The following SYTL2 variants were observed in gnomAD, a reference collection of about 807,000 sequenced individuals.
SYTL2 encodes the protein synaptotagmin-like protein 2.
Under a neutral mutation model 198.7 loss-of-function variants are expected in SYTL2, and 165 were observed. That is an observed-to-expected ratio of 0.83 (90% CI 0.73 to 0.94). The LOEUF (loss-of-function observed/expected upper bound fraction) is 0.94. Among genes scored for constraint, SYTL2 ranks in the 40% least tolerant of loss-of-function variants. SYTL2 has a pLI of 0.00. For synonymous variants in SYTL2, 966 were observed against 917.7 expected (o/e 1.05, Z -0.95); for missense variants, 2,835 against 2,582.8 (o/e 1.10, Z -2.12).
intron 1 of SYTL2, among the ~76,000 whole-genome samples, chr11:85,793,842 G>T (rs1394039858): frequency 6.6e-6 from 1 of 152,142 alleles, no homozygotes; most frequent in East Asian, 1.9e-4. Context: ...TTTCCACATT[G>T]TTTTAGTCAT....
chr11:85,808,973 G>A (rs1320038781), intron 1 of SYTL2, among the ~76,000 whole-genome samples: 1 of 151,902 alleles, frequency 6.6e-6, no homozygotes, highest in Non-Finnish European at 1.5e-5. Context: ...ATATTTCCAG[G>A]GAGCTCTGGA....
intron 2 of SYTL2, among the ~76,000 whole-genome samples, chr11:85,749,379 C>T (rs1017374126): frequency 6.6e-6 from 1 of 152,200 alleles, no homozygotes; most frequent in African/African-American, 2.4e-5. Flanking sequence ...TTAAGATAGT[C>T]ATACAAACTA....
the SYTL2 span, chr11:85,853,651 GATCA>G: frequency 8.9e-6 from 1 of 111,908 alleles, no homozygotes; most frequent in South Asian, 2.8e-4. Flanking sequence ...ACCCAAGAAT[GATCA>G]ATAAAAAAAA....
In SYTL2 at chr11:85,709,467, C is replaced by A. The variant is rs1267851235; in HGVS notation, c.5779G>T (p.Asp1927Tyr). ...SGSVMSVYSG[D>Y]FGNLEVKGNI... is the part of the protein sequence containing the mutation. ...CCTTTAACTTCCAGATTGCCAAAGT[C>A]TCCACTATAAACACTCATCACACTG... The change falls in exon 14 of 20, where the codon GAC (aspartate) becomes TAC (tyrosine). Residue 1927 changes from aspartate to tyrosine, a missense_variant. Physicochemically the swap from Asp to Tyr is radical, Grantham distance 160 (BLOSUM62 -3). Around this residue, in one of 3 missense-constraint regions of SYTL2, gnomAD observed 2,645 missense variants for 2,381.7 expected, o/e 1.11. Transcript: ENST00000359152. 1 of 1,613,904 alleles carries A rather than the reference C, an allele frequency of 6.2e-7. No homozygotes were observed. The highest frequency in any genetic ancestry group is 1.3e-5 in the African/African-American group (1 of 74,920).
At chr11:85,761,861 G>A (rs548924335) in intron 1 of SYTL2, among the ~76,000 whole-genome samples, 7 of 152,168 alleles carry the variant, frequency 4.6e-5, no homozygotes, top group African/African-American at 4.8e-5. Context: ...GCTTTGCCAC[G>A]TTGTACAGGC....
intron 2 of SYTL2, among the ~76,000 whole-genome samples, chr11:85,751,896 C>T (rs1046539786): frequency 5.3e-5 from 8 of 152,198 alleles, no homozygotes; most frequent in Non-Finnish European, 1.0e-4. Flanking sequence ...ATTCCCATAC[C>T]AGCCATCTGC....
At position 85,719,172 on chromosome 11, in the gene SYTL2, G is replaced by A. The variant is rs1381455135; in HGVS notation, c.5429-329C>T. 7 of 1,330,468 alleles carry A rather than the reference G, an allele frequency of 5.3e-6. No homozygotes were observed. In the East Asian group the frequency reaches 2.5e-4, roughly 47 times the overall value. The allele number at this position is 1,330,468 out of a possible 1,614,324, so 82.4% of individuals were successfully genotyped here. On this transcript the variant is annotated intron_variant, in intron 9 of 19. Transcript: ENST00000359152. ...AACAGCCTCTCTATTCTTCTGTAAA[G>A]GGTATGATGCTAGCCATGACTAACA...
the SYTL2 span, among the ~76,000 whole-genome samples, chr11:85,846,629 G>A: frequency 6.6e-4 from 100 of 151,818 alleles, no homozygotes; most frequent in African/African-American, 2.2e-3. Context: ...GTTTCACCAT[G>A]TTGGTCAGGC....
At chr11:85,723,093 A>T (rs1183288936) in intron 8 of SYTL2, among the ~76,000 whole-genome samples, 1 of 152,212 alleles carries the variant, frequency 6.6e-6, no homozygotes, top group African/African-American at 2.4e-5. Context: ...CATCATTTTA[A>T]TCAGGTAGCT....
At position 85,725,165 on chromosome 11, in the gene SYTL2, G is replaced by C. The variant is rs141484752; in HGVS notation, c.4193C>G (p.Pro1398Arg). Residue 1398 changes from proline to arginine, a missense_variant, in exon 8 of 20, where the codon CCA (proline) becomes CGA (arginine). This residue lies in a region of SYTL2 where 2,645 missense variants were observed against 2,381.7 expected (regional missense o/e 1.11). Coordinates refer to ENST00000359152, the MANE Select transcript of SYTL2 (RefSeq NM_206927.4). ...TGGCTGTACTGCTTCAGGAAATTCT[G>C]GGTTCACTTCTCCAGGACCTACTTC... ...GREVGPGEVNPEFPEAVQPVC... is the reference protein window; with the variant it reads ...GREVGPGEVNREFPEAVQPVC... The C allele has an allele frequency of 6.2e-7, 1 of 1,614,034 alleles. No homozygotes were observed. The highest frequency in any genetic ancestry group is 1.7e-5 in the Admixed American group (1 of 60,016).
chr11:85,783,192 C>T (rs182359085), intron 1 of SYTL2, among the ~76,000 whole-genome samples: 50 of 152,258 alleles, frequency 3.3e-4, no homozygotes, highest in East Asian at 1.7e-3. Flanking sequence ...GGGAAACTTA[C>T]GATCATGACA....
At chr11:85,830,769 C>T in the SYTL2 span, among the ~76,000 whole-genome samples, 1 of 152,172 alleles carries the variant, frequency 6.6e-6, no homozygotes, top group African/African-American at 2.4e-5. Context: ...GTGAGATGGA[C>T]CCCAGTTTCC....
At chr11:85,831,641 C>T in the SYTL2 span, among the ~76,000 whole-genome samples, 7 of 152,198 alleles carry the variant, frequency 4.6e-5, no homozygotes, top group African/African-American at 1.4e-4. Context: ...GTGATGGATA[C>T]GTTTAGTACT....
rs544418560 is a variant in SYTL2 at position 85,722,643 on chromosome 11, C to G, written c.5326+1389G>C. ...TCATGGGCAGTTTAGTAAGAGCCTACCTCAACAAGTTTAACATGCTGGCTT... is the reference window on the plus strand; with the variant it reads ...TCATGGGCAGTTTAGTAAGAGCCTAGCTCAACAAGTTTAACATGCTGGCTT... On this transcript the variant is annotated intron_variant, in intron 8 of 19. Coordinates refer to ENST00000359152, the MANE Select transcript of SYTL2 (RefSeq NM_206927.4). Among the ~76,000 whole-genome samples the G allele has an allele frequency of 3.8e-4, 58 of 152,082 alleles. 1 individual carries two copies. In the South Asian group the frequency reaches 0.012, roughly 31 times the overall value.
At chr11:85,758,677 T>C (rs1057426032) in intron 1 of SYTL2, among the ~76,000 whole-genome samples, 1 of 152,188 alleles carries the variant, frequency 6.6e-6, no homozygotes, top group Non-Finnish European at 1.5e-5. Flanking sequence ...CTTTCATTTC[T>C]CAGGGGAAAA....
intron 1 of SYTL2, among the ~76,000 whole-genome samples, chr11:85,788,302 A>T (rs965902342): frequency 4.6e-5 from 7 of 152,142 alleles, no homozygotes; most frequent in Non-Finnish European, 8.8e-5. Context: ...AAGACTTTGC[A>T]CGCTTTATCT....
chr11:85,717,663 C>T lies in SYTL2; in HGVS notation c.5483-133G>A, dbSNP rs1591695103. On this transcript the variant is annotated intron_variant, in intron 10 of 19. Coordinates refer to ENST00000359152, the MANE Select transcript of SYTL2 (RefSeq NM_206927.4). ...ATCTGACAGGTTTTCATCTTGCTTTCATCCATTCCTCACTGTGACTCTTCT... is the reference window on the plus strand; with the variant it reads ...ATCTGACAGGTTTTCATCTTGCTTTTATCCATTCCTCACTGTGACTCTTCT... 3 of 771,948 alleles carry T rather than the reference C, an allele frequency of 3.9e-6. No individual in the cohort carries two copies. The East Asian group carries it at 7.8e-5, about 20-fold the overall frequency. 47.8% of individuals were successfully genotyped at this position (771,948 alleles called of 1,614,324 possible). A position where few individuals can be genotyped will look rare whatever the true frequency, so the allele number is the denominator to read the frequency against.
chr11:85,724,592 T>C lies in SYTL2; in HGVS notation c.4766A>G (p.Glu1589Gly). ...PPYQPQVSVR[E>G]ETHEKESSQS... is the part of the protein sequence containing the mutation. The stretch of plus-strand genomic sequence containing the variant: ...TGAGGACTCCTTCTCGTGAGTTTCT[T>C]CTCTCACTGACACCTGGGGCTGATA... The change falls in exon 8 of 20, where the codon GAA (glutamate) becomes GGA (glycine). Residue 1589 changes from glutamate to glycine, a missense_variant. Around this residue, in one of 3 missense-constraint regions of SYTL2, gnomAD observed 2,645 missense variants for 2,381.7 expected, o/e 1.11. Coordinates refer to ENST00000359152, the MANE Select transcript of SYTL2 (RefSeq NM_206927.4). The C allele has an allele frequency of 1.2e-6, 2 of 1,613,008 alleles. No individual in the cohort carries two copies. The highest frequency in any genetic ancestry group is 1.7e-6 in the Non-Finnish European group (2 of 1,179,714).
At chr11:85,795,355 C>T (rs965760782) in intron 1 of SYTL2, among the ~76,000 whole-genome samples, 4 of 152,102 alleles carry the variant, frequency 2.6e-5, no homozygotes. Context: ...AGCCAGAGCA[C>T]ACTAATGTGA....
Sources: gnomAD v4.1 joint callset for allele counts (sites outside exome capture counted in the v4.1 genomes callset) on GRCh38, gnomAD v4.1.1 for gene constraint, gnomAD v4.1.1 regional missense constraint, MANE v1.5 for transcripts, NCBI Gene and HGNC (gene_info 2026-07-23, HGNC 2026-07-21) for gene names.